The following KPNA1 variants were observed in gnomAD, a reference collection of about 807,000 sequenced individuals.
The protein encoded by KPNA1 is karyopherin subunit alpha 1, also known as importin subunit alpha-5.
A neutral mutation model predicts 70.5 loss-of-function variants in KPNA1; 10 were observed. The observed-to-expected ratio is 0.14, with a 90% CI of 0.09 to 0.24. The LOEUF is 0.24. Among genes scored for constraint, KPNA1 ranks in the 10% least tolerant of loss-of-function variants. The probability of loss-of-function intolerance (pLI) is 1.00; values close to 1 mark genes in which losing one functional copy is unlikely to be tolerated. For synonymous variants in KPNA1, 192 were observed against 221.9 expected (o/e 0.87, Z 1.20); for missense variants, 397 against 637.9 (o/e 0.62, Z 4.07).
At chr3:122,499,152 T>C (rs555871541) in intron 1 of KPNA1, among the ~76,000 whole-genome samples, 1 of 152,368 alleles carries the variant, frequency 6.6e-6, no homozygotes, top group African/African-American at 2.4e-5. Context: ...ATAGCTTTAC[T>C]TCTCCCTTTC....
chr3:122,490,609 T>C (rs1020557987), intron 2 of KPNA1, among the ~76,000 whole-genome samples: 5 of 152,194 alleles, frequency 3.3e-5, no homozygotes, highest in Non-Finnish European at 7.3e-5. Context: ...CTCAGAAAAC[T>C]TCTTTGCTTT....
chr3:122,492,783 TA>T (rs1443375540), intron 2 of KPNA1, among the ~76,000 whole-genome samples: 2 of 152,196 alleles, frequency 1.3e-5, no homozygotes, highest in Non-Finnish European at 2.9e-5. Flanking sequence ...TGGTCTAGAT[TA>T]TTGCAAAGGT....
At chr3:122,460,480 T>C (rs1176164154) in intron 5 of KPNA1, 1 of 241,636 alleles carries the variant, frequency 4.1e-6, no homozygotes, top group Non-Finnish European at 6.7e-6. Flanking sequence ...CTACTAAAAA[T>C]AAAAGAATTA....
At chr3:122,453,141 C>T (rs1056808065) in intron 6 of KPNA1, among the ~76,000 whole-genome samples, 11 of 152,062 alleles carry the variant, frequency 7.2e-5, no homozygotes, top group African/African-American at 2.7e-4. Flanking sequence ...GACTGGGTTT[C>T]GCCATGTTGC....
chr3:122,491,676 T>C (rs2076699565), intron 2 of KPNA1, among the ~76,000 whole-genome samples: 1 of 152,126 alleles, frequency 6.6e-6, no homozygotes, highest in Non-Finnish European at 1.5e-5. Context: ...CTCAGCATGA[T>C]GGACAACTGT....
rs1471766748 is a variant in KPNA1, at chr3:122,438,174, C to T, written c.997-879G>A. 3.9e-5 allele frequency among the ~76,000 whole-genome samples: 6 copies of T among 152,132 alleles called. No homozygotes were observed. In the East Asian group the frequency reaches 1.2e-3, roughly 29 times the overall value. On this transcript the variant is annotated intron_variant, in intron 10 of 13. Transcript: ENST00000344337. ...AATGGTCAGCGCCATCCCCATGGTT[C>T]TGTTCTAGTATGTAGCACCTTCTCC...
chr3:122,494,718 C>T (rs545045932), intron 2 of KPNA1, among the ~76,000 whole-genome samples: 10 of 151,976 alleles, frequency 6.6e-5, no homozygotes, highest in Middle Eastern at 3.4e-3. Context: ...AGATTGCTTT[C>T]GGTAGTATAT....
chr3:122,470,252 C>G (rs1362293633), intron 2 of KPNA1, among the ~76,000 whole-genome samples: 1 of 152,150 alleles, frequency 6.6e-6, no homozygotes, highest in African/African-American at 2.4e-5. Flanking sequence ...GTGGCTCACA[C>G]CTGTACTCCC....
chr3:122,464,025 G>T lies in KPNA1; in HGVS notation c.254C>A (p.Ser85Tyr), dbSNP rs1406308896. 1 of 1,588,668 alleles carries T rather than the reference G, an allele frequency of 6.3e-7. No individual in the cohort carries two copies. The highest frequency in any genetic ancestry group is 1.3e-5 in the African/African-American group (1 of 74,338). Residue 85 changes from serine (S) to tyrosine (Y), a missense_variant, in exon 4 of 14, where the codon TCT becomes TAT. Transcript: ENST00000344337. ...GGAAAATATCATTTCAATCATGTCA[G>T]AAGTGATGACACCACCCTGCGATCA... ...MEMAPGGVIT[S>Y]DMIEMIFSKS... is the part of the protein sequence containing the mutation.
chr3:122,427,811 C>CT, intron 12 of KPNA1, 95 bp from the exon 13 acceptor site: 1 of 687,108 alleles, frequency 1.5e-6, no homozygotes, highest in Non-Finnish European at 2.2e-6. Flanking sequence ...ACTGCAGAGA[C>CT]TTAAAAAAAA....
intron 2 of KPNA1, among the ~76,000 whole-genome samples, chr3:122,476,152 G>C (rs117888880): frequency 1.3e-5 from 2 of 152,142 alleles, no homozygotes; most frequent in African/African-American, 4.8e-5. Flanking sequence ...ATGATTAATT[G>C]ATTTTTCTAC....
chr3:122,465,868 CTT>C (rs1417209542), intron 3 of KPNA1, among the ~76,000 whole-genome samples: 1 of 152,244 alleles, frequency 6.6e-6, no homozygotes, highest in Non-Finnish European at 1.5e-5. Flanking sequence ...AACATCAACT[CTT>C]AACCTGAATT....
intron 12 of KPNA1, among the ~76,000 whole-genome samples, chr3:122,429,273 A>C (rs2075865405): frequency 6.6e-6 from 1 of 152,058 alleles, no homozygotes; most frequent in African/African-American, 2.4e-5. Flanking sequence ...CCACATGGTG[A>C]AACTCCGTTT....
At chr3:122,441,881 G>C (rs564399656) in intron 10 of KPNA1, among the ~76,000 whole-genome samples, 157 bp downstream of exon 10, 3 of 152,178 alleles carry the variant, frequency 2.0e-5, no homozygotes. Context: ...GATTACAGGC[G>C]TGAGTGACCG....
At chr3:122,428,437 A>G (rs953921411) in intron 12 of KPNA1, among the ~76,000 whole-genome samples, 24 of 152,208 alleles carry the variant, frequency 1.6e-4, no homozygotes, top group African/African-American at 5.8e-4. Flanking sequence ...TTTCTCACAT[A>G]TTGCTTTTTT....
chr3:122,481,043 G>A (rs1439412594), intron 2 of KPNA1, among the ~76,000 whole-genome samples: 1 of 152,162 alleles, frequency 6.6e-6, no homozygotes, highest in Non-Finnish European at 1.5e-5. Flanking sequence ...TTCAAACATT[G>A]CTAATAAAAA....
intron 5 of KPNA1, among the ~76,000 whole-genome samples, chr3:122,456,911 C>G (rs1051750295): frequency 6.6e-6 from 1 of 152,188 alleles, no homozygotes; most frequent in African/African-American, 2.4e-5. Context: ...CACACACACA[C>G]AGGGTGCTGA....
chr3:122,499,239 T>C (rs776615705), intron 1 of KPNA1, among the ~76,000 whole-genome samples: 4 of 152,232 alleles, frequency 2.6e-5, no homozygotes, highest in Admixed American at 1.3e-4. Flanking sequence ...TGAATAGAAA[T>C]AGAGCAGACA....
intron 4 of KPNA1, 48 bp from the exon 5 acceptor site, chr3:122,461,366 G>A (rs1403341601): frequency 1.5e-6 from 2 of 1,308,702 alleles, no homozygotes; most frequent in Non-Finnish European, 2.2e-6. Flanking sequence ...TGATTTCAAT[G>A]CAAGAACTTA....
Sources: allele counts gnomAD v4.1 joint callset (sites outside exome capture counted in the v4.1 genomes callset), GRCh38; gene constraint gnomAD v4.1.1; transcripts MANE v1.5; gene names NCBI Gene and HGNC (gene_info 2026-07-23, HGNC 2026-07-21).